PAX5: variants seen among roughly 807,000 people sequenced by gnomAD.
The protein encoded by PAX5 is paired box 5.
In PAX5, 9 loss-of-function variants were observed where a neutral mutation model predicts 43.7. That is an observed-to-expected ratio of 0.21 (90% CI 0.12 to 0.36). The LOEUF (loss-of-function observed/expected upper bound fraction) is 0.36, where lower values mean the gene tolerates loss of function less well. Ranked by LOEUF, PAX5 falls within the 10% of genes least tolerant of loss-of-function variation. The pLI is 1.00. For missense variants in PAX5, 383 were observed against 532.7 expected, an observed-to-expected ratio of 0.72 and a Z score of 2.77; for synonymous variants, 228 against 214.3, an observed-to-expected ratio of 1.06 and a Z score of -0.56.
intron 5 of PAX5, among the ~76,000 whole-genome samples, chr9:36,971,319 C>A (rs1282554329): frequency 6.6e-6 from 1 of 152,184 alleles, no homozygotes; most frequent in Non-Finnish European, 1.5e-5. Context: ...GAGAATGAAC[C>A]AACAAACAGA....
intron 1 of PAX5, among the ~76,000 whole-genome samples, chr9:37,023,842 G>A (rs988701805): frequency 1.3e-5 from 2 of 152,190 alleles, no homozygotes; most frequent in South Asian, 2.1e-4. Flanking sequence ...ACAGGGAAAG[G>A]GCAGGGAAGA....
chr9:37,030,984 T>G (rs953712872), intron 1 of PAX5, among the ~76,000 whole-genome samples: 1 of 152,150 alleles, frequency 6.6e-6, no homozygotes, highest in Non-Finnish European at 1.5e-5. Flanking sequence ...ACTTCATTTT[T>G]AAAAAATAAA....
At chr9:36,887,749 A>G (rs1401463078) in intron 7 of PAX5, among the ~76,000 whole-genome samples, 2 of 152,218 alleles carry the variant, frequency 1.3e-5, no homozygotes, top group Non-Finnish European at 2.9e-5. Context: ...TTTATTGGAT[A>G]TGACACAAAC....
intron 7 of PAX5, among the ~76,000 whole-genome samples, chr9:36,915,677 T>G (rs976154326): frequency 2.3e-4 from 35 of 152,234 alleles, no homozygotes; most frequent in Admixed American, 2.3e-3. Flanking sequence ...TTCTTCCATA[T>G]ACATACAAAA....
chr9:36,846,921 A>T lies in PAX5; in HGVS notation c.1021T>A (p.Phe341Ile). 6.2e-7 allele frequency: 1 copy of T among 1,612,340 alleles called. No individual in the cohort carries two copies. The highest frequency in any genetic ancestry group is 1.1e-5 in the South Asian group (1 of 91,036). Residue 341 changes from phenylalanine to isoleucine, a missense_variant, in exon 9 of 10, where the codon TTT (phenylalanine) becomes ATT (isoleucine). By Grantham distance (21) the Phe-to-Ile change is conservative (BLOSUM62 0). Around this residue, in one of 5 missense-constraint regions of PAX5, gnomAD observed 291 missense variants for 342.5 expected, o/e 0.85. Transcript: ENST00000358127. ...TLTGMVPGSE[F>I]SGSPYSHPQY... is the part of the protein sequence containing the mutation. Reference sequence around the variant, plus strand: ...GGGTGGCTGTAGGGACTCCCGGAAAACTCACTCCCTGTGTATGGTGGGTGG... The same window carrying T: ...GGGTGGCTGTAGGGACTCCCGGAAATCTCACTCCCTGTGTATGGTGGGTGG...
chr9:36,978,776 T>C (rs558014487), intron 5 of PAX5, among the ~76,000 whole-genome samples: 9 of 152,288 alleles, frequency 5.9e-5, no homozygotes, highest in African/African-American at 2.2e-4. Context: ...GATCCAAAAA[T>C]ACTTTTCATT....
intron 6 of PAX5, among the ~76,000 whole-genome samples, chr9:36,950,763 T>C (rs1009514711): frequency 7.3e-6 from 1 of 136,652 alleles, no homozygotes; most frequent in African/African-American, 2.7e-5. Flanking sequence ...TTTTTTGAGA[T>C]GGAGTCTTGC....
chr9:36,840,636 C>G lies in PAX5; in HGVS notation c.1100G>C (p.Gly367Ala), dbSNP rs181991348. The change falls in exon 10 of 10, where the codon GGC becomes GCC. Residue 367 changes from glycine (G) to alanine (A), a missense_variant and splice_region_variant. This residue lies in a region of PAX5 where 291 missense variants were observed against 342.5 expected (regional missense o/e 0.85). Transcript: ENST00000358127. ...GGCAGCGCTATAATAGTAGGGGGAG[C>G]CTGGAAGAGACGGGAGAGAGCACCG... ...SWRFPNPGLL[G>A]SPYYYSAAAR... The G allele has an allele frequency of 5.8e-6, 9 of 1,561,538 alleles. No individual in the cohort carries two copies. The South Asian group carries it at 5.9e-5, about 10-fold the overall frequency.
chr9:36,967,213 C>T (rs568670639), intron 5 of PAX5, among the ~76,000 whole-genome samples: 125 of 152,340 alleles, frequency 8.2e-4, no homozygotes, highest in African/African-American at 3.0e-3. Context: ...CAGTGAAACA[C>T]TGTGCTAGGA....
intron 1 of PAX5, among the ~76,000 whole-genome samples, chr9:37,025,334 A>T (rs1037778856): frequency 4.6e-5 from 7 of 152,022 alleles, no homozygotes; most frequent in African/African-American, 1.7e-4. Flanking sequence ...TCGCCCCGGG[A>T]AGCTCACCTT....
chr9:36,970,882 A>T (rs1012819336), intron 5 of PAX5, among the ~76,000 whole-genome samples: 3 of 151,996 alleles, frequency 2.0e-5, no homozygotes, highest in African/African-American at 7.3e-5. Context: ...TCACTCCCAC[A>T]CTGTGCTATG....
At chr9:36,873,790 T>C (rs1825692156) in intron 8 of PAX5, among the ~76,000 whole-genome samples, 1 of 152,210 alleles carries the variant, frequency 6.6e-6, no homozygotes. Context: ...TTCCAATGTC[T>C]TCAGTACTAA....
rs1841297179 is a variant in PAX5, at chr9:37,034,098, C to CTTTCTTTTTTTTTT, written c.-68_-67insAAAAAAAAAAGAAA. 1.7e-4 allele frequency: 54 copies of CTTTCTTTTTTTTTT among 320,102 alleles called. No homozygotes were observed. In the African/African-American group the frequency reaches 2.2e-3, roughly 13 times the overall value. The allele number at this position is 320,102 out of a possible 1,614,324, so 19.8% of individuals were successfully genotyped here. On this transcript the variant is annotated 5_prime_UTR_variant, in exon 1 of 10. Coordinates refer to ENST00000358127, the MANE Select transcript of PAX5 (RefSeq NM_016734.3). ...TCCACTTTTTTGTGCCTTTTTTTTT[C>CTTTCTTTTTTTTTT]TTTTTTTTTTTTTTTTTTTTTTTTT...
chr9:36,859,431 ACTC>A (rs1823981148), intron 8 of PAX5, among the ~76,000 whole-genome samples: 1 of 151,426 alleles, frequency 6.6e-6, no homozygotes, highest in African/African-American at 2.4e-5. Flanking sequence ...TCTCCTGGTC[ACTC>A]CTCTGGCTGA....
At chr9:36,945,586 A>G (rs1228998854) in intron 6 of PAX5, among the ~76,000 whole-genome samples, 1 of 152,230 alleles carries the variant, frequency 6.6e-6, no homozygotes, top group South Asian at 2.1e-4. Context: ...CAAGTAACCT[A>G]TCAAAGGGCA....
At chr9:36,901,870 T>C (rs1230293349) in intron 7 of PAX5, among the ~76,000 whole-genome samples, 1 of 152,134 alleles carries the variant, frequency 6.6e-6, no homozygotes, top group Non-Finnish European at 1.5e-5. Context: ...AAATAACAGA[T>C]GTAAAATCAC....
At chr9:36,909,815 T>TC (rs72199018) in intron 7 of PAX5, among the ~76,000 whole-genome samples, 4 of 19,902 alleles carry the variant, frequency 2.0e-4, no homozygotes, top group Non-Finnish European at 3.1e-4. Flanking sequence ...GACATTTTAA[T>TC]TTTTTTTTTT....
intron 8 of PAX5, among the ~76,000 whole-genome samples, chr9:36,858,747 C>T (rs1039791429): frequency 6.6e-6 from 1 of 152,116 alleles, no homozygotes; most frequent in Non-Finnish European, 1.5e-5. Context: ...TCAGGAACTC[C>T]TTCGCTCAGC....
At chr9:36,843,127 CGTCTGTGTGTGTGTGCAT>C (rs1822236039) in intron 9 of PAX5, among the ~76,000 whole-genome samples, 1 of 150,988 alleles carries the variant, frequency 6.6e-6, no homozygotes, top group African/African-American at 2.4e-5. Context: ...TGTGAGCGTG[CGTCTGTGTGTGTGTGCAT>C]GTGTGTGTGT....
Sources: gnomAD v4.1 joint callset for allele counts (sites outside exome capture counted in the v4.1 genomes callset) on GRCh38, gnomAD v4.1.1 for gene constraint, gnomAD v4.1.1 regional missense constraint, MANE v1.5 for transcripts, NCBI Gene and HGNC (gene_info 2026-07-23, HGNC 2026-07-21) for gene names.